Variants in RIN3 observed in about 807,000 individuals in gnomAD.
The protein encoded by RIN3 is Ras and Rab interactor 3.
In RIN3, 54 loss-of-function variants were observed where a neutral mutation model predicts 76.3. That is an observed-to-expected ratio of 0.71 (90% confidence interval 0.57 to 0.89). The LOEUF (loss-of-function observed/expected upper bound fraction) is 0.89, where lower values mean the gene tolerates loss of function less well. Among genes scored for constraint, RIN3 ranks in the 40% least tolerant of loss-of-function variants. RIN3 has a pLI of 0.00. For missense variants in RIN3, 1,256 were observed against 1,322.1 expected (o/e 0.95, Z 0.78); for synonymous variants, 576 against 564.0 (o/e 1.02, Z -0.30).
chr14:92,561,040 A>ATATATATATATATATATATATATAT lies in RIN3; in HGVS notation c.249+5085_249+5086insTATATATATATATATATATATATAT, dbSNP rs1306892381. 7.0e-3 allele frequency among the ~76,000 whole-genome samples: 107 copies of ATATATATATATATATATATATATAT among 15,322 alleles called. 3 individuals carry two copies. Among genetic ancestry groups the ATATATATATATATATATATATATAT allele is most frequent in the East Asian group, 0.023 (1 of 44 alleles). 10.1% of individuals were successfully genotyped at this position (15,322 alleles called of 152,430 possible). A position where few individuals can be genotyped will look rare whatever the true frequency, so the allele number is the denominator to read the frequency against. ...CTGTCTAAAAAAAAAAAAAAAAAAA[A>ATATATATATATATATATATATATAT]AAAAATATATATATATCTGCCATAT... On this transcript the variant is annotated intron_variant, in intron 2 of 9. Transcript: ENST00000216487.
intron 1 of RIN3, among the ~76,000 whole-genome samples, chr14:92,541,306 A>G (rs1283035156): frequency 1.8e-5 from 1 of 56,842 alleles, no homozygotes; most frequent in Admixed American, 1.9e-4. Context: ...AGCTACAGAA[A>G]AACTGGTTAG....
At chr14:92,604,909 C>CTTTTTTTTTTT (rs148326639) in intron 3 of RIN3, among the ~76,000 whole-genome samples, 1 of 90,048 alleles carries the variant, frequency 1.1e-5, no homozygotes, top group African/African-American at 4.9e-5. Flanking sequence ...CCATTTTCCT[C>CTTTTTTTTTTT]TTTTTTTTTT....
intron 1 of RIN3, among the ~76,000 whole-genome samples, chr14:92,537,837 A>ATTTTAT (rs34059728): frequency 3.8e-4 from 46 of 120,872 alleles, no homozygotes; most frequent in African/African-American, 1.1e-3. Flanking sequence ...ATTTTATTTT[A>ATTTTAT]TTTATTTTTT....
chr14:92,576,438 T>C, intron 2 of RIN3: 2 of 1,280,236 alleles, frequency 1.6e-6, no homozygotes, highest in Non-Finnish European at 2.0e-6. Context: ...GCCATGGTTT[T>C]ATCAGAAGAG....
intron 1 of RIN3, among the ~76,000 whole-genome samples, chr14:92,535,255 CT>C (rs1896969227): frequency 6.6e-6 from 1 of 152,008 alleles, no homozygotes; most frequent in African/African-American, 2.4e-5. Flanking sequence ...CTTATGAGCC[CT>C]TTGTTGGGTG....
chr14:92,574,375 G>C (rs1417536958), intron 2 of RIN3, among the ~76,000 whole-genome samples: 1 of 152,180 alleles, frequency 6.6e-6, no homozygotes, highest in African/African-American at 2.4e-5. Flanking sequence ...TCTCTACCTG[G>C]CTATGTTGCC....
At chr14:92,537,986 G>A (rs1276390402) in intron 1 of RIN3, among the ~76,000 whole-genome samples, 4 of 152,042 alleles carry the variant, frequency 2.6e-5, no homozygotes, top group South Asian at 2.1e-4. Flanking sequence ...ACAGGCGCCC[G>A]CCTGGCTTTT....
intron 5 of RIN3, among the ~76,000 whole-genome samples, chr14:92,646,690 C>A (rs1302537783): frequency 1.3e-5 from 2 of 152,206 alleles, no homozygotes; most frequent in African/African-American, 4.8e-5. Context: ...TCCGGCCCGC[C>A]TCGGCCTCCC....
Position 92,515,047 on chromosome 14 carries a change from A to AC in RIN3, c.44+1072dup, listed in dbSNP as rs1245765598. 1.0e-4 allele frequency: 59 copies of AC among 562,400 alleles called. No homozygotes were observed. The Admixed American group carries it at 1.8e-3, about 17-fold the overall frequency. The allele number at this position is 562,400 out of a possible 1,614,324, so 34.8% of individuals were successfully genotyped here. A position where few individuals can be genotyped will look rare whatever the true frequency, so the allele number is the denominator to read the frequency against. ...TTGGGCCCATCTTGTGCAGTCCTGA[A>AC]CTGGGGGACAGCTGGAGGTGACTGG... On this transcript the variant is annotated intron_variant, in intron 1 of 9. Transcript: ENST00000216487.
At chr14:92,533,892 G>T (rs962770236) in intron 1 of RIN3, among the ~76,000 whole-genome samples, 1 of 152,238 alleles carries the variant, frequency 6.6e-6, no homozygotes, top group East Asian at 1.9e-4. Flanking sequence ...TTAAAATGTG[G>T]CAGTAGCCTC....
At chr14:92,676,735 G>A (rs1367106005) in intron 8 of RIN3, 129 bp downstream of exon 8, 10 of 986,462 alleles carry the variant, frequency 1.0e-5, no homozygotes, top group Non-Finnish European at 1.3e-5. Flanking sequence ...ACCCATGGAT[G>A]CAAATGTGAA....
chr14:92,652,006 C>T lies in RIN3; in HGVS notation c.957C>T (p.Ala319=). The change falls in exon 6 of 10, where the codon GCC becomes GCT. Residue 319 remains alanine (A), a synonymous_variant. Transcript: ENST00000216487. This position sits in a 1 kb window ranked among gnomAD's most constrained non-coding sequence, Gnocchi z 6.4. ...CPLPTSPPVP[A]PHVTPHAPGP... ...TGCCCACCTCTCCCCCAGTGCCTGC[C>T]CCCCACGTCACACCCCATGCCCCAG... The T allele has an allele frequency of 6.5e-7, 1 of 1,550,240 alleles. No homozygotes were observed. The highest frequency in any genetic ancestry group is 8.8e-7 in the Non-Finnish European group (1 of 1,135,194).
At position 92,514,798 on chromosome 14, in the gene RIN3, C is replaced by T. The variant is rs1896394065; in HGVS notation, c.44+822C>T. ...CTCTCGCCTTGCCCAGCTCAGAGGG[C>T]GTCCTGAGAAGCTTCAGGTGTTGTA... On this transcript the variant is annotated intron_variant, in intron 1 of 9. Transcript: ENST00000216487. This position sits in a 1 kb window ranked among gnomAD's most constrained non-coding sequence, Gnocchi z 7.2. Among the ~76,000 whole-genome samples, 1 of 152,196 alleles carries T rather than the reference C, an allele frequency of 6.6e-6. No homozygotes were observed. The highest frequency in any genetic ancestry group is 2.4e-5 in the African/African-American group (1 of 41,454).
chr14:92,561,044 A>AAAAAAATATAAATATATATATATATATAT (rs1555383856), intron 2 of RIN3, among the ~76,000 whole-genome samples: 1 of 24,398 alleles, frequency 4.1e-5, no homozygotes, highest in Non-Finnish European at 7.9e-5. Flanking sequence ...AAAAAAAAAA[A>AAAAAAATATAAATATATATATATATATAT]ATATATATAT....
rs1231449386 is a variant in RIN3 at position 92,615,496 on chromosome 14, C to T, written c.440+17C>T. 1 of 1,606,272 alleles carries T rather than the reference C, an allele frequency of 6.2e-7. No individual in the cohort carries two copies. Among genetic ancestry groups the T allele is most frequent in the Non-Finnish European group, 8.5e-7 (1 of 1,172,826 alleles). ...TGTCAGTAGGTGAGTAGACCCGGCC[C>T]TGCAGGAGGTTATCTGGTTGTAGCA... On this transcript the variant is annotated intron_variant, in intron 4 of 9. Transcript: ENST00000216487.
rs1370087799 is a variant in RIN3, at chr14:92,615,495, C to A, written c.440+16C>A. 6.2e-7 allele frequency: 1 copy of A among 1,607,666 alleles called. No individual in the cohort carries two copies. On this transcript the variant is annotated intron_variant, in intron 4 of 9. Transcript: ENST00000216487. ...GTGTCAGTAGGTGAGTAGACCCGGC[C>A]CTGCAGGAGGTTATCTGGTTGTAGC...
In RIN3 at chr14:92,652,683, C is replaced by T. The variant is rs1887507881; in HGVS notation, c.1634C>T (p.Thr545Ile). ...SDSLGVSVMA[T>I]DQDSYSTSST... ...AGCTTGGGGGTGTCTGTCATGGCCA[C>T]CGACCAGGACTCCTACTCCACCAGC... The change falls in exon 6 of 10, where the codon ACC becomes ATC. Residue 545 changes from threonine (T) to isoleucine (I), a missense_variant. This residue lies in a region of RIN3 where 428 missense variants were observed against 521.2 expected (regional missense o/e 0.82). Transcript: ENST00000216487. This position sits in a 1 kb window ranked among gnomAD's most constrained non-coding sequence, Gnocchi z 6.4. 1.2e-6 allele frequency: 2 copies of T among 1,613,088 alleles called. No individual in the cohort carries two copies. Among genetic ancestry groups the T allele is most frequent in the East Asian group, 4.5e-5 (2 of 44,874 alleles).
intron 4 of RIN3, among the ~76,000 whole-genome samples, chr14:92,618,059 G>A (rs1566870624): frequency 6.6e-6 from 1 of 152,192 alleles, no homozygotes; most frequent in Non-Finnish European, 1.5e-5. Context: ...TTTCGTTTCT[G>A]ACTGATTGTG....
chr14:92,537,628 T>A (rs1897029219), intron 1 of RIN3, among the ~76,000 whole-genome samples: 1 of 145,780 alleles, frequency 6.9e-6, no homozygotes, highest in Non-Finnish European at 1.5e-5. Context: ...GTGAGTGCCT[T>A]AGGGACTTTT....
Sources: allele counts gnomAD v4.1 joint callset (sites outside exome capture counted in the v4.1 genomes callset), GRCh38; gene constraint gnomAD v4.1.1; regional missense constraint gnomAD v4.1.1; non-coding constraint Gnocchi (gnomAD v3.1); transcripts MANE v1.5; gene names NCBI Gene and HGNC (gene_info 2026-07-23, HGNC 2026-07-21).